ZNF71: variants seen among roughly 807,000 people sequenced by gnomAD.
ZNF71 encodes the protein endothelial zinc finger protein induced by tumor necrosis factor alpha.
A neutral mutation model predicts 6.7 loss-of-function variants in ZNF71; 3 were observed. The observed-to-expected ratio is 0.45, with a 90% CI of 0.20 to 1.16. The LOEUF is 1.16. ZNF71 is among the 50% of genes most tolerant of loss of function. ZNF71 has a pLI of 0.25. For missense variants in ZNF71, 688 were observed against 728.6 expected, an observed-to-expected ratio of 0.94 and a Z score of 0.64; for synonymous variants, 343 against 311.1, an observed-to-expected ratio of 1.10 and a Z score of -1.08.
rs1220538887 is a variant in ZNF71, at chr19:56,618,146, A to G, written c.161-3122A>G. On this transcript the variant is annotated intron_variant, in intron 3 of 3. Coordinates refer to ENST00000599599, the MANE Select transcript of ZNF71 (RefSeq NM_001370215.1). The surrounding 1 kb of genome is among the most constrained non-coding windows in gnomAD (Gnocchi z 4.6). ...TCAGTTCTTTTCCTCTGAGATGGGA[A>G]AAGTGATGCATGGTAATATAGCCAC... Among the ~76,000 whole-genome samples, 2 of 152,190 alleles carry G rather than the reference A, an allele frequency of 1.3e-5. No individual in the cohort carries two copies. Among genetic ancestry groups the G allele is most frequent in the African/African-American group, 4.8e-5 (2 of 41,442 alleles).
Position 56,621,268 on chromosome 19 carries a change from A to T in ZNF71, c.161A>T (p.Asp54Val), listed in dbSNP as rs774316363. Residue 54 changes from aspartate to valine, a missense_variant and splice_region_variant, in exon 4 of 4, where the codon GAC becomes GTC. By Grantham distance (152) the Asp-to-Val change is radical (BLOSUM62 -3). Transcript: ENST00000599599. ...LENYRNLVSL[D>V]WETRPEMKEL... ...CATCTTCTGTTTTTGTTTTTTTCAGACTGGGAGACTAGACCTGAAATGAAA... is the reference window on the plus strand; with the variant it reads ...CATCTTCTGTTTTTGTTTTTTTCAGTCTGGGAGACTAGACCTGAAATGAAA... 6.6e-7 allele frequency: 1 copy of T among 1,514,386 alleles called. No homozygotes were observed. Among genetic ancestry groups the T allele is most frequent in the Admixed American group, 2.3e-5 (1 of 43,796 alleles). 93.8% of individuals were successfully genotyped at this position (1,514,386 alleles called of 1,614,324 possible).
rs1011821942 is a variant in ZNF71, at chr19:56,613,178, G to A, written c.34-634G>A. Among the ~76,000 whole-genome samples, 5 of 151,974 alleles carry A rather than the reference G, an allele frequency of 3.3e-5. No individual in the cohort carries two copies. The highest frequency in any genetic ancestry group is 1.3e-4 in the Admixed American group (2 of 15,266). On this transcript the variant is annotated intron_variant, in intron 2 of 3. Coordinates refer to ENST00000599599, the MANE Select transcript of ZNF71 (RefSeq NM_001370215.1). This position sits in a 1 kb window ranked among gnomAD's most constrained non-coding sequence, Gnocchi z 4.6. The stretch of plus-strand genomic sequence containing the variant: ...CAGTCTCATCTGCCTTTTCACCTTC[G>A]GGTCTTGATCCAAGCTCTCTTCCCT...
intron 3 of ZNF71, among the ~76,000 whole-genome samples, chr19:56,615,801 G>A (rs1015126230): frequency 3.9e-5 from 6 of 152,018 alleles, no homozygotes; most frequent in Non-Finnish European, 8.8e-5. Flanking sequence ...GATGTAGTGC[G>A]ATGTATCTAT....
Position 56,622,744 on chromosome 19 carries a change from G to A in ZNF71, c.1637G>A (p.Arg546Gln), listed in dbSNP as rs753360449. The part of the protein sequence containing the change: ...SRNTNLTRHL[R>Q]IHT The stretch of plus-strand genomic sequence containing the variant: ...AACACGAACCTGACGCGCCACCTGC[G>A]GATTCACACCTGAGCGCCTCTGTGC... Residue 546 changes from arginine to glutamine, a missense_variant, in exon 4 of 4, where the codon CGG becomes CAG. Physicochemically the swap from Arg to Gln is conservative, Grantham distance 43 (BLOSUM62 1). Coordinates refer to ENST00000599599, the MANE Select transcript of ZNF71 (RefSeq NM_001370215.1). 2 of 1,602,604 alleles carry A rather than the reference G, an allele frequency of 1.2e-6. No individual in the cohort carries two copies. Among genetic ancestry groups the A allele is most frequent in the East Asian group, 2.2e-5 (1 of 44,774 alleles).
Position 56,621,821 on chromosome 19 carries a change from G to C in ZNF71, c.714G>C (p.Arg238=), listed in dbSNP as rs756122097. ...IERSSLTIHQ[R]VHTGEKPYAC... ...GCTCGTCCCTCACCATCCACCAGCGGGTGCACACGGGCGAGAAGCCCTATG... is the reference window on the plus strand; with the variant it reads ...GCTCGTCCCTCACCATCCACCAGCGCGTGCACACGGGCGAGAAGCCCTATG... The change falls in exon 4 of 4, where the codon CGG becomes CGC. Residue 238 remains arginine, a synonymous_variant. Coordinates refer to ENST00000599599, the MANE Select transcript of ZNF71 (RefSeq NM_001370215.1). 3 of 1,612,120 alleles carry C rather than the reference G, an allele frequency of 1.9e-6. No individual in the cohort carries two copies. Among genetic ancestry groups the C allele is most frequent in the Non-Finnish European group, 2.5e-6 (3 of 1,178,216 alleles).
In ZNF71 at chr19:56,621,550, T is replaced by C. The variant is rs377218850; in HGVS notation, c.443T>C (p.Leu148Pro). 4 of 1,614,116 alleles carry C rather than the reference T, an allele frequency of 2.5e-6. No homozygotes were observed. In the African/African-American group the frequency reaches 5.3e-5, roughly 22 times the overall value. The stretch of plus-strand genomic sequence containing the variant: ...GCATTTGCCAACCAAGGCTGTGTCC[T>C]GGTCCCACCACGGCTGGACGACCCC... ...LKAFANQGCV[L>P]VPPRLDDPTE... Residue 148 changes from leucine (L) to proline (P), a missense_variant, in exon 4 of 4, where the codon CTG (leucine) becomes CCG (proline). Transcript: ENST00000599599.
chr19:56,621,576 A>G lies in ZNF71; in HGVS notation c.469A>G (p.Thr157Ala). The change falls in exon 4 of 4, where the codon ACA (threonine) becomes GCA (alanine). Residue 157 changes from threonine (T) to alanine (A), a missense_variant. By Grantham distance (58) the Thr-to-Ala change is moderately conservative (BLOSUM62 0). Transcript: ENST00000599599. Reference protein sequence around the residue: ...VLVPPRLDDPTEKGACPPVRR... With the variant: ...VLVPPRLDDPAEKGACPPVRR... The stretch of plus-strand genomic sequence containing the variant: ...GGTCCCACCACGGCTGGACGACCCC[A>G]CAGAAAAGGGGGCCTGTCCACCCGT... The G allele has an allele frequency of 6.2e-7, 1 of 1,614,184 alleles. No individual in the cohort carries two copies.
At position 56,623,487 on chromosome 19, in the gene ZNF71, T is replaced by C. The variant is rs1242123832; in HGVS notation, c.*730T>C. 6.0e-6 allele frequency: 1 copy of C among 167,074 alleles called. No individual in the cohort carries two copies. The highest frequency in any genetic ancestry group is 1.9e-4 in the East Asian group (1 of 5,194). The allele number at this position is 167,074 out of a possible 1,614,324, so 10.3% of individuals were successfully genotyped here. A position where few individuals can be genotyped will look rare whatever the true frequency, so the allele number is the denominator to read the frequency against. ...GGCCAGTTGTCTGGTCAAAATCGGCTTCAGTGATTGTGGGAGGGGCAAGAA... is the reference window on the plus strand; with the variant it reads ...GGCCAGTTGTCTGGTCAAAATCGGCCTCAGTGATTGTGGGAGGGGCAAGAA... On this transcript the variant is annotated 3_prime_UTR_variant, in exon 4 of 4. Coordinates refer to ENST00000599599, the MANE Select transcript of ZNF71 (RefSeq NM_001370215.1).
rs868332011 is a variant in ZNF71 at position 56,603,319 on chromosome 19, A to G, written c.33+1728A>G. On this transcript the variant is annotated intron_variant, in intron 2 of 3. Coordinates refer to ENST00000599599, the MANE Select transcript of ZNF71 (RefSeq NM_001370215.1). The surrounding 1 kb of genome is among the most constrained non-coding windows in gnomAD (Gnocchi z 4.6). The stretch of plus-strand genomic sequence containing the variant: ...ACATTTCAAATAAATGGAATCATAC[A>G]TGGTGTGGTCTTTTGTGACTGGCTT... 2.0e-5 allele frequency among the ~76,000 whole-genome samples: 3 copies of G among 152,188 alleles called. No homozygotes were observed. Among genetic ancestry groups the G allele is most frequent in the African/African-American group, 7.2e-5 (3 of 41,450 alleles).
Position 56,621,383 on chromosome 19 carries a change from T to A in ZNF71, c.276T>A (p.Gly92=), listed in dbSNP as rs749646323. 16 of 1,605,708 alleles carry A rather than the reference T, an allele frequency of 1.0e-5. No individual in the cohort carries two copies. Among genetic ancestry groups the A allele is most frequent in the Admixed American group, 1.7e-5 (1 of 59,440 alleles). Residue 92 remains glycine, a synonymous_variant, in exon 4 of 4, where the codon GGT becomes GGA. Transcript: ENST00000599599. ...TGGPTRNGAR[G]PGSEGVWEPG... is the part of the protein sequence containing the mutation. Reference sequence around the variant, plus strand: ...GACCCACGAGGAATGGTGCCAGGGGTCCTGGCTCAGAAGGAGTGTGGGAAC... The same window carrying A: ...GACCCACGAGGAATGGTGCCAGGGGACCTGGCTCAGAAGGAGTGTGGGAAC...
At position 56,622,173 on chromosome 19, in the gene ZNF71, A is replaced by T; in HGVS notation, c.1066A>T (p.Lys356Ter). Residue 356 changes from lysine (K) to a stop codon, truncating the protein, a stop_gained, in exon 4 of 4, where the codon AAG becomes TAG. Transcript: ENST00000599599. LOFTEE classifies it low-confidence loss of function (END_TRUNC). Reference sequence around the variant, plus strand: ...GCACCAGCGCACGCACACCGGGGAGAAGCCGTACGCCTGCAAGGAGTGCGG... The same window carrying T: ...GCACCAGCGCACGCACACCGGGGAGTAGCCGTACGCCTGCAAGGAGTGCGG... Reference protein sequence around the residue: ...TEHQRTHTGEKPYACKECGKA... With the variant: ...TEHQRTHTGE 1 of 1,613,816 alleles carries T rather than the reference A, an allele frequency of 6.2e-7. No individual in the cohort carries two copies. The highest frequency in any genetic ancestry group is 8.5e-7 in the Non-Finnish European group (1 of 1,179,908).
intron 2 of ZNF71, among the ~76,000 whole-genome samples, chr19:56,605,428 G>A (rs890680971): frequency 5.3e-5 from 8 of 152,196 alleles, no homozygotes; most frequent in African/African-American, 1.9e-4. Flanking sequence ...TGTAAACAAA[G>A]AAGCTAGCAG....
At chr19:56,604,144 A>G (rs1027742726) in intron 2 of ZNF71, among the ~76,000 whole-genome samples, 1 of 152,180 alleles carries the variant, frequency 6.6e-6, no homozygotes, top group Non-Finnish European at 1.5e-5. Context: ...TTGTATTACA[A>G]TTTTGTAAAA....
At chr19:56,620,617 G>A (rs1462305501) in intron 3 of ZNF71, among the ~76,000 whole-genome samples, 3 of 151,598 alleles carry the variant, frequency 2.0e-5, no homozygotes, top group South Asian at 2.1e-4. Flanking sequence ...CTGCAACCTC[G>A]AATTCCTGGG....
In ZNF71 at chr19:56,601,666, C is replaced by G. The variant is rs933866848; in HGVS notation, c.33+75C>G. 23 of 941,098 alleles carry G rather than the reference C, an allele frequency of 2.4e-5. No individual in the cohort carries two copies. The African/African-American group carries it at 3.9e-4, about 16-fold the overall frequency. The allele number at this position is 941,098 out of a possible 1,614,324, so 58.3% of individuals were successfully genotyped here. A position where few individuals can be genotyped will look rare whatever the true frequency, so the allele number is the denominator to read the frequency against. On this transcript the variant is annotated intron_variant, in intron 2 of 3. Transcript: ENST00000599599. Reference sequence around the variant, plus strand: ...TTGGGTGAGCCTCTGCTGCTCGAACCCTCTCCAAGGCCCCCAGTCCCATCT... The same window carrying G: ...TTGGGTGAGCCTCTGCTGCTCGAACGCTCTCCAAGGCCCCCAGTCCCATCT...
intron 2 of ZNF71, among the ~76,000 whole-genome samples, chr19:56,609,302 C>T (rs1393472828): frequency 5.3e-5 from 8 of 152,102 alleles, no homozygotes; most frequent in Non-Finnish European, 1.0e-4. Flanking sequence ...ATTCACGTAT[C>T]GTAAAATCCA....
At chr19:56,601,069 C>T (rs982189154) in intron 1 of ZNF71, among the ~76,000 whole-genome samples, 1 of 152,050 alleles carries the variant, frequency 6.6e-6, no homozygotes, top group Non-Finnish European at 1.5e-5. Context: ...GTCCGGTGGC[C>T]CTCAGCAGCC....
rs759295864 is a variant in ZNF71, at chr19:56,622,094, G to A, written c.987G>A (p.Pro329=). ...AGCGCACGCACACCGGGGAGAAGCC[G>A]TACGTGTGCCCCGAGTGCGGGCGAG... ...VHQRTHTGEK[P]YVCPECGRAF... Residue 329 remains proline (P), a synonymous_variant, in exon 4 of 4, where the codon CCG becomes CCA. Transcript: ENST00000599599. The A allele has an allele frequency of 5.6e-6, 9 of 1,609,220 alleles. No homozygotes were observed. In the South Asian group the frequency reaches 7.7e-5, roughly 14 times the overall value.
intron 2 of ZNF71, among the ~76,000 whole-genome samples, chr19:56,611,770 T>G (rs570609576): frequency 6.6e-6 from 1 of 152,270 alleles, no homozygotes; most frequent in African/African-American, 2.4e-5. Flanking sequence ...CAAAGGACAT[T>G]TATTCTGTCA....
Sources: gnomAD v4.1 joint callset for allele counts (sites outside exome capture counted in the v4.1 genomes callset) on GRCh38, gnomAD v4.1.1 for gene constraint, Gnocchi (gnomAD v3.1) non-coding constraint, MANE v1.5 for transcripts, NCBI Gene and HGNC (gene_info 2026-07-23, HGNC 2026-07-21) for gene names.